The following BRD3 variants were observed in gnomAD, a reference collection of about 807,000 sequenced individuals.
BRD3 encodes the protein bromodomain-containing protein 3.
A neutral mutation model predicts 66.8 loss-of-function variants in BRD3; 17 were observed. The observed-to-expected ratio is 0.25, with a 90% CI of 0.17 to 0.38. The LOEUF (loss-of-function observed/expected upper bound fraction) is 0.38, where lower values mean the gene tolerates loss of function less well. BRD3 is among the 10% of genes least tolerant of loss of function. BRD3 has a pLI of 1.00. For synonymous variants in BRD3, 421 were observed against 393.2 expected (o/e 1.07, Z -0.84); for missense variants, 713 against 956.1 (o/e 0.75, Z 3.35).
At chr9:134,062,380 G>A (rs550309745) in intron 1 of BRD3, among the ~76,000 whole-genome samples, 7 of 152,236 alleles carry the variant, frequency 4.6e-5, no homozygotes, top group South Asian at 2.1e-4. Context: ...AGCTGCCAGC[G>A]CTGCCTCTCC....
At chr9:134,047,375 G>A (rs1830194585) in intron 6 of BRD3, among the ~76,000 whole-genome samples, 2 of 151,872 alleles carry the variant, frequency 1.3e-5, no homozygotes, top group Admixed American at 6.6e-5. Context: ...CCAGAGGGAG[G>A]GCAGGTGCCA....
At chr9:134,053,859 T>G in intron 1 of BRD3, 2 of 231,820 alleles carry the variant, frequency 8.6e-6, no homozygotes. Flanking sequence ...CACATGCCAC[T>G]TGCTCCCAGG....
At chr9:134,061,735 A>G (rs1206280645) in intron 1 of BRD3, among the ~76,000 whole-genome samples, 1 of 152,184 alleles carries the variant, frequency 6.6e-6, no homozygotes, top group African/African-American at 2.4e-5. Context: ...GAAGGGGCAC[A>G]ACGTCGCCCA....
intron 4 of BRD3, among the ~76,000 whole-genome samples, 170 bp downstream of exon 4, chr9:134,051,392 C>G (rs1409757802): frequency 6.6e-6 from 1 of 152,208 alleles, no homozygotes; most frequent in East Asian, 1.9e-4. Context: ...CCCGGGCCAG[C>G]TGCCCCTCCA....
At position 134,040,237 on chromosome 9, in the gene BRD3, C is replaced by T. The variant is rs1830015291; in HGVS notation, c.1440G>A (p.Leu480=). The T allele has an allele frequency of 1.9e-6, 3 of 1,594,802 alleles. No individual in the cohort carries two copies. Among genetic ancestry groups the T allele is most frequent in the East Asian group, 2.3e-5 (1 of 44,282 alleles). Residue 480 remains leucine (L), a synonymous_variant, in exon 9 of 12, where the codon CTG becomes CTA. Coordinates refer to ENST00000303407, the MANE Select transcript of BRD3 (RefSeq NM_007371.4). ...LKAVHEQLAA[L]SQAPVNKPKK... ...TTGGTTTGTTTACTGGGGCCTGAGA[C>T]AGGGCGGCCAGCTGCTCGTGCACGG... is the stretch of plus-strand genomic sequence containing the variant.
chr9:134,036,406 A>G, intron 9 of BRD3, 82 bp from the exon 10 acceptor site: 2 of 1,572,568 alleles, frequency 1.3e-6, no homozygotes, highest in Non-Finnish European at 1.7e-6. Flanking sequence ...CCTTCCTCCC[A>G]ACAGCAGGCT....
At chr9:134,041,617 G>A (rs971756361) in intron 8 of BRD3, 143 bp downstream of exon 8, 5 of 1,136,230 alleles carry the variant, frequency 4.4e-6, no homozygotes, top group Middle Eastern at 3.0e-4. Context: ...AGGGCACTCC[G>A]AGTGTCTTTA....
intron 7 of BRD3, among the ~76,000 whole-genome samples, chr9:134,042,742 T>C (rs1371907780): frequency 1.5e-5 from 2 of 135,778 alleles, no homozygotes; most frequent in Non-Finnish European, 3.0e-5. Context: ...TACACACATA[T>C]ATACACATAT....
intron 3 of BRD3, 142 bp from the exon 4 acceptor site, chr9:134,051,851 G>A (rs1340823513): frequency 2.5e-5 from 13 of 515,786 alleles, no homozygotes; most frequent in Admixed American, 9.5e-5. Flanking sequence ...GAATATATGT[G>A]TGTGTGTGTG....
At chr9:134,042,712 CACATATATACACAT>C (rs1564550609) in intron 7 of BRD3, among the ~76,000 whole-genome samples, 1 of 149,280 alleles carries the variant, frequency 6.7e-6, no homozygotes, top group East Asian at 2.0e-4. Flanking sequence ...CATATATATA[CACATATATACACAT>C]ATATATACAC....
In BRD3 at chr9:134,030,854, T is replaced by C. The variant is rs1843501379; in HGVS notation, c.*2736A>G. 4.3e-6 allele frequency: 1 copy of C among 232,406 alleles called. No individual in the cohort carries two copies. The highest frequency in any genetic ancestry group is 6.1e-5 in the East Asian group (1 of 16,486). The allele number at this position is 232,406 out of a possible 1,614,324, so 14.4% of individuals were successfully genotyped here. The stretch of plus-strand genomic sequence containing the variant: ...CCTCCAGGGGTCATTCAGAGTGTTC[T>C]CAAATCCAATTCCGACACACGACTT... On this transcript the variant is annotated 3_prime_UTR_variant, in exon 12 of 12. Transcript: ENST00000303407.
At chr9:134,050,934 T>C (rs1830279973) in intron 4 of BRD3, among the ~76,000 whole-genome samples, 1 of 152,162 alleles carries the variant, frequency 6.6e-6, no homozygotes, top group Non-Finnish European at 1.5e-5. Flanking sequence ...ACAAGCTGAG[T>C]GACCAACGAT....
Position 134,031,991 on chromosome 9 carries a change from T to TG in BRD3, c.*1598dup, listed in dbSNP as rs1331450619. ...TGGGGCCCAGAGACTCCTCCACCCC[T>TG]GGGGAGGGCAGACAGGCTCGGGAGG... On this transcript the variant is annotated 3_prime_UTR_variant, in exon 12 of 12. Coordinates refer to ENST00000303407, the MANE Select transcript of BRD3 (RefSeq NM_007371.4). The TG allele has an allele frequency of 9.3e-6, 2 of 215,800 alleles. No individual in the cohort carries two copies. The highest frequency in any genetic ancestry group is 4.5e-5 in the African/African-American group (2 of 44,226). The allele number at this position is 215,800 out of a possible 1,614,324, so 13.4% of individuals were successfully genotyped here. A position where few individuals can be genotyped will look rare whatever the true frequency, so the allele number is the denominator to read the frequency against.
At chr9:134,067,487 G>A (rs898136154) in intron 1 of BRD3, among the ~76,000 whole-genome samples, 5 of 148,624 alleles carry the variant, frequency 3.4e-5, no homozygotes, top group African/African-American at 9.7e-5. Flanking sequence ...GGGCCGCCGC[G>A]CGCACCTTCC....
chr9:134,039,163 A>G (rs769390039), intron 9 of BRD3, among the ~76,000 whole-genome samples: 2 of 152,038 alleles, frequency 1.3e-5, no homozygotes, highest in African/African-American at 4.8e-5. Context: ...CAACCACCAT[A>G]ACCTCCAAAG....
intron 8 of BRD3, 78 bp downstream of exon 8, chr9:134,041,681 CA>C: frequency 6.6e-7 from 1 of 1,511,046 alleles, no homozygotes; most frequent in Non-Finnish European, 8.9e-7. Context: ...AGGAACCATG[CA>C]AAGGGACGGA....
rs1373066892 is a variant in BRD3 at position 134,033,542 on chromosome 9, G to A, written c.*48C>T. The A allele has an allele frequency of 1.4e-6, 1 of 706,496 alleles. No homozygotes were observed. Among genetic ancestry groups the A allele is most frequent in the Non-Finnish European group, 2.7e-6 (1 of 374,864 alleles). 43.8% of individuals were successfully genotyped at this position (706,496 alleles called of 1,614,324 possible). The stretch of plus-strand genomic sequence containing the variant: ...ATGAACCACAGAGGGGTACGGCAGA[G>A]TCTCGGCGTGTGCGACATCCATCTG... On this transcript the variant is annotated 3_prime_UTR_variant, in exon 12 of 12. Transcript: ENST00000303407. This position sits in a 1 kb window ranked among gnomAD's most constrained non-coding sequence, Gnocchi z 5.1.
At position 134,050,529 on chromosome 9, in the gene BRD3, G is replaced by T; in HGVS notation, c.559C>A (p.Pro187Thr). Reference sequence around the variant, plus strand: ...ACGGGCGTCTGGGAGACGGTGGGGGGCACGCTCTGAAAGGGGGTCGCTGGG... The same window carrying T: ...ACGGGCGTCTGGGAGACGGTGGGGGTCACGCTCTGAAAGGGGGTCGCTGGG... ...VSPATPFQSV[P>T]PTVSQTPVIA... The change falls in exon 5 of 12, where the codon CCC (proline) becomes ACC (threonine). Residue 187 changes from proline (P) to threonine (T), a missense_variant. By Grantham distance (38) the Pro-to-Thr change is conservative. Transcript: ENST00000303407. The T allele has an allele frequency of 6.2e-7, 1 of 1,603,780 alleles. No individual in the cohort carries two copies. Among genetic ancestry groups the T allele is most frequent in the Non-Finnish European group, 8.5e-7 (1 of 1,175,844 alleles).
chr9:134,042,771 A>G (rs1174350398), intron 7 of BRD3, among the ~76,000 whole-genome samples: 6 of 132,504 alleles, frequency 4.5e-5, no homozygotes, highest in African/African-American at 1.7e-4. Flanking sequence ...ATATACACAC[A>G]CACATATATA....
Sources: gnomAD v4.1 joint callset for allele counts (sites outside exome capture counted in the v4.1 genomes callset) on GRCh38, gnomAD v4.1.1 for gene constraint, Gnocchi (gnomAD v3.1) non-coding constraint, MANE v1.5 for transcripts, NCBI Gene and HGNC (gene_info 2026-07-23, HGNC 2026-07-21) for gene names.